The following TPD52L1 variants were observed in gnomAD, a reference collection of about 807,000 sequenced individuals.
TPD52L1 encodes tumor protein D53.
TPD52L1 carries 18 observed loss-of-function variants against 28.7 expected under a neutral mutation model. That is an observed-to-expected ratio of 0.63 (90% CI 0.43 to 0.93). TPD52L1 has a LOEUF of 0.93. Ranked by LOEUF, TPD52L1 falls within the 40% of genes least tolerant of loss-of-function variation. The pLI, the probability that TPD52L1 is intolerant of heterozygous loss-of-function variation, is 0.00. For synonymous variants in TPD52L1, 75 were observed against 88.8 expected (o/e 0.84, Z 0.88); for missense variants, 203 against 254.8 (o/e 0.80, Z 1.39).
intron 4 of TPD52L1, 65 bp downstream of exon 4, chr6:125,248,448 A>G (rs1459194936): frequency 8.8e-7 from 1 of 1,130,352 alleles, no homozygotes; most frequent in African/African-American, 1.5e-5. Context: ...AGGGAGCACT[A>G]GCTATTAGCT....
chr6:125,227,580 T>C (rs1377185390), intron 2 of TPD52L1, among the ~76,000 whole-genome samples: 1 of 152,208 alleles, frequency 6.6e-6, no homozygotes, highest in Non-Finnish European at 1.5e-5. Flanking sequence ...TTTTATTACC[T>C]CCATGCATGT....
intron 1 of TPD52L1, among the ~76,000 whole-genome samples, chr6:125,167,869 A>G (rs924017251): frequency 6.6e-6 from 1 of 152,028 alleles, no homozygotes; most frequent in Non-Finnish European, 1.5e-5. Context: ...AAAAAAAACA[A>G]AAAAATGGGG....
intron 1 of TPD52L1, among the ~76,000 whole-genome samples, chr6:125,162,511 TAATAAATACTTATTGATTACTGC>T (rs1582831113): frequency 6.6e-6 from 1 of 152,324 alleles, no homozygotes; most frequent in Admixed American, 6.5e-5. Flanking sequence ...TTAAATATTT[TAATAAATACTTATTGATTACTGC>T]AGTAATAGCA....
intron 1 of TPD52L1, among the ~76,000 whole-genome samples, chr6:125,168,932 G>A (rs552477460): frequency 3.9e-5 from 6 of 152,194 alleles, no homozygotes; most frequent in Non-Finnish European, 7.4e-5. Context: ...TTTGGATTCC[G>A]TTAGAGTTGG....
intron 1 of TPD52L1, among the ~76,000 whole-genome samples, chr6:125,172,171 TTC>T (rs1791436283): frequency 1.5e-5 from 2 of 131,420 alleles, no homozygotes; most frequent in Admixed American, 1.5e-4. Flanking sequence ...CTTTCTTTCT[TTC>T]TTTCTTTCTT....
chr6:125,246,247 G>A (rs1376606830), intron 3 of TPD52L1, among the ~76,000 whole-genome samples: 1 of 152,158 alleles, frequency 6.6e-6, no homozygotes, highest in African/African-American at 2.4e-5. Context: ...TCAGAGGCAG[G>A]TGGTTCAGAG....
At chr6:125,202,090 G>C (rs972217808) in intron 1 of TPD52L1, among the ~76,000 whole-genome samples, 1 of 152,182 alleles carries the variant, frequency 6.6e-6, no homozygotes, top group South Asian at 2.1e-4. Context: ...GTCCAGGCGT[G>C]ATGTGTTTGT....
chr6:125,231,630 GTTGTTTGT>G (rs869033531), intron 3 of TPD52L1, among the ~76,000 whole-genome samples: 12 of 120,236 alleles, frequency 1.0e-4, no homozygotes, highest in African/African-American at 3.5e-4. Context: ...TGTTGTTGTT[GTTGTTTGT>G]TTGTTTGTTT....
rs1410659329 is a variant in TPD52L1, at chr6:125,200,232, T to C, written c.20-19846T>C. 2.6e-5 allele frequency among the ~76,000 whole-genome samples: 4 copies of C among 152,186 alleles called. No homozygotes were observed. In the East Asian group the frequency reaches 7.7e-4, roughly 29 times the overall value. ...GAATTCTTAAGATCGTTTGATCTATTTAAAAAAATAGCTCTAGATTCAGTC... is the reference window on the plus strand; with the variant it reads ...GAATTCTTAAGATCGTTTGATCTATCTAAAAAAATAGCTCTAGATTCAGTC... On this transcript the variant is annotated intron_variant, in intron 1 of 6. Coordinates refer to ENST00000534000, the MANE Select transcript of TPD52L1 (RefSeq NM_003287.4).
intron 1 of TPD52L1, among the ~76,000 whole-genome samples, chr6:125,199,908 T>A (rs183205526): frequency 6.6e-4 from 101 of 152,348 alleles, no homozygotes; most frequent in African/African-American, 2.3e-3. Flanking sequence ...TCCATGTTGT[T>A]CCATTACATT....
At chr6:125,250,004 A>G (rs1387725619) in intron 4 of TPD52L1, among the ~76,000 whole-genome samples, 1 of 152,182 alleles carries the variant, frequency 6.6e-6, no homozygotes. Context: ...CCCTAATTTT[A>G]TTACAAATAA....
At chr6:125,191,676 G>A (rs1056500903) in intron 1 of TPD52L1, among the ~76,000 whole-genome samples, 1 of 152,124 alleles carries the variant, frequency 6.6e-6, no homozygotes, top group Non-Finnish European at 1.5e-5. Context: ...TGAACTCTAA[G>A]CATGTTTACC....
At position 125,263,594 on chromosome 6, in the gene TPD52L1, C is replaced by T. The variant is rs1243390795; in HGVS notation, c.*632C>T. 6.6e-6 allele frequency: 1 copy of T among 152,656 alleles called. No homozygotes were observed. The highest frequency in any genetic ancestry group is 2.4e-5 in the African/African-American group (1 of 41,452). The allele number at this position is 152,656 out of a possible 1,614,324, so 9.5% of individuals were successfully genotyped here. Reference sequence around the variant, plus strand: ...TTTAGCCAGGTGCGGCGGCTCACACCTGTAATCCCAACTATTTTGGATGCC... The same window carrying T: ...TTTAGCCAGGTGCGGCGGCTCACACTTGTAATCCCAACTATTTTGGATGCC... On this transcript the variant is annotated 3_prime_UTR_variant, in exon 7 of 7. Transcript: ENST00000534000.
At chr6:125,179,650 C>A (rs1041785991) in intron 1 of TPD52L1, among the ~76,000 whole-genome samples, 1 of 152,154 alleles carries the variant, frequency 6.6e-6, no homozygotes, top group African/African-American at 2.4e-5. Context: ...TTTTATCATG[C>A]CTGTTGTATA....
intron 1 of TPD52L1, among the ~76,000 whole-genome samples, chr6:125,186,899 T>C (rs1792673215): frequency 6.6e-6 from 1 of 152,114 alleles, no homozygotes; most frequent in South Asian, 2.1e-4. Flanking sequence ...TACAACGTAG[T>C]AATTGGGGTG....
At chr6:125,251,956 G>A in intron 4 of TPD52L1, 1 of 1,518,396 alleles carries the variant, frequency 6.6e-7, no homozygotes, top group Non-Finnish European at 8.8e-7. Context: ...GGGCAGTGCA[G>A]TGTTTCTCTG....
At chr6:125,229,087 T>G (rs759332042) in intron 2 of TPD52L1, 31 bp from the exon 3 acceptor site, 5 of 1,602,680 alleles carry the variant, frequency 3.1e-6, no homozygotes, top group Non-Finnish European at 4.3e-6. Context: ...GGTCTGACAT[T>G]TTCCCCCACC....
chr6:125,220,298 C>T (rs1795152235), intron 2 of TPD52L1, 105 bp downstream of exon 2: 1 of 721,904 alleles, frequency 1.4e-6, no homozygotes, highest in Non-Finnish European at 2.3e-6. Flanking sequence ...ATGATGTTGT[C>T]TTTCATTTAA....
At chr6:125,154,659 G>A in intron 1 of TPD52L1, 1 of 381,324 alleles carries the variant, frequency 2.6e-6, no homozygotes, top group Non-Finnish European at 3.6e-6. Context: ...CAGGAAGGGC[G>A]GCCTCATATC....
Sources: allele counts gnomAD v4.1 joint callset (sites outside exome capture counted in the v4.1 genomes callset), GRCh38; gene constraint gnomAD v4.1.1; transcripts MANE v1.5; gene names NCBI Gene and HGNC (gene_info 2026-07-23, HGNC 2026-07-21).